The following ZNF608 variants were observed in gnomAD, a reference collection of about 807,000 sequenced individuals.
ZNF608 encodes zinc finger protein 608, also known as renal carcinoma antigen NY-REN-36.
ZNF608 carries 12 observed loss-of-function variants against 109.0 expected under a neutral mutation model. The ratio of observed to expected loss-of-function variants is 0.11; its 90% CI spans 0.07 to 0.18. ZNF608 has a LOEUF of 0.18. ZNF608 is among the 10% of genes least tolerant of loss of function. The pLI is 1.00. For missense variants in ZNF608, 1,707 were observed against 1,879.3 expected (o/e 0.91, Z 1.70); for synonymous variants, 732 against 717.4 (o/e 1.02, Z -0.33).
Position 124,647,275 on chromosome 5 carries a change from C to T in ZNF608, c.3109G>A (p.Asp1037Asn). Residue 1037 changes from aspartate to asparagine, a missense_variant, in exon 5 of 10, where the codon GAT becomes AAT. Transcript: ENST00000513986. Reference protein sequence around the residue: ...GMKIKKESEEDAEKKDKAEQL... With the variant: ...GMKIKKESEENAEKKDKAEQL... Reference sequence around the variant, plus strand: ...TCTGCCTTGTCTTTCTTTTCAGCATCTTCCTCAGACTCCTTCTTGATCTTC... The same window carrying T: ...TCTGCCTTGTCTTTCTTTTCAGCATTTTCCTCAGACTCCTTCTTGATCTTC... The T allele has an allele frequency of 6.2e-7, 1 of 1,614,224 alleles. No homozygotes were observed. The highest frequency in any genetic ancestry group is 8.5e-7 in the Non-Finnish European group (1 of 1,180,048).
intron 2 of ZNF608, among the ~76,000 whole-genome samples, chr5:124,729,465 C>T (rs1005871043): frequency 6.6e-6 from 1 of 152,120 alleles, no homozygotes; most frequent in Non-Finnish European, 1.5e-5. Flanking sequence ...TATTCTGAGC[C>T]CGGGAGAGGC....
intron 3 of ZNF608, among the ~76,000 whole-genome samples, chr5:124,696,361 T>A (rs549978427): frequency 3.3e-4 from 50 of 152,324 alleles, no homozygotes; most frequent in Non-Finnish European, 6.3e-4. Context: ...GTCTTCTCAT[T>A]AAAATGGTAG....
chr5:124,699,750 A>G (rs4549521), intron 3 of ZNF608, among the ~76,000 whole-genome samples: 89,733 of 151,998 alleles, frequency 0.59, 26,920 homozygotes, highest in East Asian at 0.86. Context: ...TAAGAATTAT[A>G]CTCAACACTT....
chr5:124,676,662 A>G (rs947760713), intron 3 of ZNF608, among the ~76,000 whole-genome samples: 15 of 152,374 alleles, frequency 9.8e-5, no homozygotes, highest in African/African-American at 3.4e-4. Flanking sequence ...TGTGTGAAAT[A>G]GTAAAGAACT....
rs1324634500 is a variant in ZNF608, at chr5:124,647,025, G to A, written c.3359C>T (p.Ala1120Val). Residue 1120 changes from alanine to valine, a missense_variant, in exon 5 of 10, where the codon GCC (alanine) becomes GTC (valine). Around this residue, in one of 7 missense-constraint regions of ZNF608, gnomAD observed 1,073 missense variants for 1,133.5 expected, o/e 0.95. Coordinates refer to ENST00000513986, the MANE Select transcript of ZNF608 (RefSeq NM_020747.3). ...EDQRLAEQKM[A>V]QTGRGDCERK... ...TTCACAGTCTCCTCTCCCAGTCTGG[G>A]CCATTTTCTGCTCTGCCAGCCTCTG... 1 of 1,613,928 alleles carries A rather than the reference G, an allele frequency of 6.2e-7. No homozygotes were observed. The highest frequency in any genetic ancestry group is 8.5e-7 in the Non-Finnish European group (1 of 1,179,924).
chr5:124,668,318 TTGAGCCTTGAGG>T (rs1751573304), intron 3 of ZNF608, among the ~76,000 whole-genome samples: 1 of 150,060 alleles, frequency 6.7e-6, no homozygotes, highest in Admixed American at 6.7e-5. Flanking sequence ...AGAGGATCAT[TTGAGCCTTGAGG>T]TGACTGAGGT....
Position 124,683,697 on chromosome 5 carries a change from T to C in ZNF608, c.1162+17317A>G, listed in dbSNP as rs182107766. On this transcript the variant is annotated intron_variant, in intron 3 of 9. Coordinates refer to ENST00000513986, the MANE Select transcript of ZNF608 (RefSeq NM_020747.3). ...TGGCTGTTTAAACTATATAAACATA[T>C]AACCTGAATAAAAGTTAAAAAGAAA... Among the ~76,000 whole-genome samples, 529 of 152,256 alleles carry C rather than the reference T, an allele frequency of 3.5e-3. 3 individuals are homozygous for C. The highest frequency in any genetic ancestry group is 0.012 in the African/African-American group (490 of 41,518).
intron 3 of ZNF608, among the ~76,000 whole-genome samples, chr5:124,668,237 T>C (rs563183335): frequency 2.0e-3 from 286 of 146,112 alleles, no homozygotes; most frequent in African/African-American, 6.9e-3. Context: ...ATATATTTTA[T>C]ATATATCTAT....
chr5:124,711,729 G>C (rs998128714), intron 2 of ZNF608, among the ~76,000 whole-genome samples: 9 of 152,214 alleles, frequency 5.9e-5, no homozygotes, highest in African/African-American at 2.2e-4. Flanking sequence ...AGCTGAAGGT[G>C]GTCAGTTAAG....
chr5:124,697,496 T>C (rs1290811586), intron 3 of ZNF608, among the ~76,000 whole-genome samples: 2 of 152,208 alleles, frequency 1.3e-5, no homozygotes, highest in Non-Finnish European at 2.9e-5. Context: ...CCATACATCA[T>C]TGGTCCTATG....
chr5:124,678,595 G>A (rs1461538521), intron 3 of ZNF608, among the ~76,000 whole-genome samples: 5 of 152,208 alleles, frequency 3.3e-5, no homozygotes, highest in African/African-American at 7.2e-5. Context: ...GGCAGGCAAA[G>A]CCAGGGGTGT....
chr5:124,710,945 G>A (rs1442767041), intron 2 of ZNF608, among the ~76,000 whole-genome samples: 2 of 152,126 alleles, frequency 1.3e-5, no homozygotes, highest in African/African-American at 4.8e-5. Context: ...TTTTACTACA[G>A]CTCTAGAGAA....
upstream of ZNF608, among the ~76,000 whole-genome samples, chr5:124,747,866 A>G (rs1479445013): frequency 6.6e-6 from 1 of 152,150 alleles, no homozygotes; most frequent in Non-Finnish European, 1.5e-5. Context: ...TCTCCGAGCT[A>G]CTTGGATTTT....
Position 124,648,960 on chromosome 5 carries a change from T to C in ZNF608, c.1424A>G (p.Asn475Ser), listed in dbSNP as rs189656445. The C allele has an allele frequency of 1.2e-6, 2 of 1,614,104 alleles. No individual in the cohort carries two copies. Among genetic ancestry groups the C allele is most frequent in the East Asian group, 2.2e-5 (1 of 44,878 alleles). The change falls in exon 5 of 10, where the codon AAT becomes AGT. Residue 475 changes from asparagine (N) to serine (S), a missense_variant. Asn to Ser is a conservative substitution (Grantham distance 46). Around this residue, in one of 7 missense-constraint regions of ZNF608, gnomAD observed 166 missense variants for 204.2 expected, o/e 0.81. Coordinates refer to ENST00000513986, the MANE Select transcript of ZNF608 (RefSeq NM_020747.3). ...ANGKGRRGSLNASGRRTPPNC... is the reference protein window; with the variant it reads ...ANGKGRRGSLSASGRRTPPNC... The stretch of plus-strand genomic sequence containing the variant: ...TGGGGGTGTCCTTCGTCCGCTGGCA[T>C]TGAGGCTGCCCCGCCTCCCTTTCCC...
chr5:124,713,173 C>G (rs1203947241), intron 2 of ZNF608, among the ~76,000 whole-genome samples: 1 of 152,212 alleles, frequency 6.6e-6, no homozygotes, highest in African/African-American at 2.4e-5. Flanking sequence ...TACTACTCTT[C>G]TATCTTTATG....
chr5:124,663,107 A>T (rs1280194154), intron 3 of ZNF608, among the ~76,000 whole-genome samples: 1 of 152,232 alleles, frequency 6.6e-6, no homozygotes, highest in East Asian at 1.9e-4. Flanking sequence ...GGAAACTAGT[A>T]GCTCTATTTG....
chr5:124,670,910 T>A (rs1365998217), intron 3 of ZNF608, among the ~76,000 whole-genome samples: 1 of 152,230 alleles, frequency 6.6e-6, no homozygotes, highest in Non-Finnish European at 1.5e-5. Context: ...GATAGAAAAC[T>A]TTCTACCCCC....
At chr5:124,697,931 C>A (rs1224572530) in intron 3 of ZNF608, among the ~76,000 whole-genome samples, 2 of 152,140 alleles carry the variant, frequency 1.3e-5, no homozygotes, top group South Asian at 2.1e-4. Flanking sequence ...ACGCACGTAA[C>A]AAATTAGGTT....
chr5:124,648,969 C>A lies in ZNF608; in HGVS notation c.1415G>T (p.Gly472Val). Residue 472 changes from glycine (G) to valine (V), a missense_variant, in exon 5 of 10, where the codon GGC (glycine) becomes GTC (valine). Gly to Val is a moderately radical substitution (Grantham distance 109). This residue lies in a region of ZNF608 where 166 missense variants were observed against 204.2 expected (regional missense o/e 0.81). Transcript: ENST00000513986. ...CCTTCGTCCGCTGGCATTGAGGCTG[C>A]CCCGCCTCCCTTTCCCATTGGCCCC... ...RGGANGKGRR[G>V]SLNASGRRTP... The A allele has an allele frequency of 6.2e-7, 1 of 1,614,036 alleles. No individual in the cohort carries two copies. Among genetic ancestry groups the A allele is most frequent in the South Asian group, 1.1e-5 (1 of 91,044 alleles).
Sources: allele counts gnomAD v4.1 joint callset (sites outside exome capture counted in the v4.1 genomes callset), GRCh38; gene constraint gnomAD v4.1.1; regional missense constraint gnomAD v4.1.1; transcripts MANE v1.5; gene names NCBI Gene and HGNC (gene_info 2026-07-23, HGNC 2026-07-21).